The following LHX6 variants were observed in gnomAD, a reference collection of about 807,000 sequenced individuals.
LHX6 encodes the protein LIM homeobox 6, also known as LIM/homeobox protein Lhx6.
In LHX6, 15 loss-of-function variants were observed where a neutral mutation model predicts 47.1. The ratio of observed to expected loss-of-function variants is 0.32; its 90% confidence interval spans 0.21 to 0.49. The LOEUF is 0.49. LHX6 is among the 20% of genes least tolerant of loss of function. LHX6 has a pLI of 0.99. For missense variants in LHX6, 404 were observed against 539.6 expected (o/e 0.75, Z 2.49); for synonymous variants, 242 against 233.5 (o/e 1.04, Z -0.33).
Position 122,214,225 on chromosome 9 carries a change from G to T in LHX6, c.783+58C>A. 1.4e-6 allele frequency: 2 copies of T among 1,459,768 alleles called. No homozygotes were observed. The highest frequency in any genetic ancestry group is 1.8e-6 in the Non-Finnish European group (2 of 1,096,426). 90.4% of individuals were successfully genotyped at this position (1,459,768 alleles called of 1,614,324 possible). A position where few individuals can be genotyped will look rare whatever the true frequency, so the allele number is the denominator to read the frequency against. ...AGGGGCGGAGCCAGGAGACATTGTC[G>T]GCCCCGCCCACTTTCGGCCCGGCCC... is the stretch of plus-strand genomic sequence containing the variant. On this transcript the variant is annotated intron_variant, in intron 6 of 9. Coordinates refer to ENST00000394319, the MANE Select transcript of LHX6 (RefSeq NM_014368.5). This position sits in a 1 kb window ranked among gnomAD's most constrained non-coding sequence, Gnocchi z 4.6.
rs545808425 is a variant in LHX6, at chr9:122,205,133, G to T, written c.1159-353C>A. Among the ~76,000 whole-genome samples the T allele has an allele frequency of 3.3e-5, 5 of 152,346 alleles. No individual in the cohort carries two copies. In the East Asian group the frequency reaches 9.6e-4, roughly 29 times the overall value. On this transcript the variant is annotated intron_variant, in intron 9 of 9. Coordinates refer to ENST00000394319, the MANE Select transcript of LHX6 (RefSeq NM_014368.5). ...CCCCGTGAGGGAGTTCCAACGTTCT[G>T]TTTTACAAGGAGGGCACTCAGGCTC...
intron 1 of LHX6, 181 bp from the exon 2 acceptor site, chr9:122,227,661 G>A: frequency 1.5e-6 from 2 of 1,293,584 alleles, no homozygotes; most frequent in Middle Eastern, 2.4e-4. Flanking sequence ...GAAGCAATTT[G>A]AATTTGGATT....
chr9:122,204,720 T>C lies in LHX6; in HGVS notation c.*40A>G. The C allele has an allele frequency of 6.3e-7, 1 of 1,594,726 alleles. No individual in the cohort carries two copies. The highest frequency in any genetic ancestry group is 8.5e-7 in the Non-Finnish European group (1 of 1,170,380). The stretch of plus-strand genomic sequence containing the variant: ...TGGATCTCAGCGGCTGAGGGGCAGC[T>C]GTGGGGCGCCCACGGGCAGATGCGG... On this transcript the variant is annotated 3_prime_UTR_variant, in exon 10 of 10. Transcript: ENST00000394319.
intron 4 of LHX6, among the ~76,000 whole-genome samples, chr9:122,218,942 C>T (rs1282498953): frequency 1.3e-5 from 2 of 152,152 alleles, no homozygotes; most frequent in African/African-American, 4.8e-5. Context: ...GTAAATGTTT[C>T]GTTTCTGGCT....
intron 4 of LHX6, chr9:122,221,495 AGGGGCTT>A: frequency 1.0e-6 from 1 of 985,624 alleles, no homozygotes; most frequent in Non-Finnish European, 1.2e-6. Flanking sequence ...AGAGAAGGCT[AGGGGCTT>A]GCATGAAGTC....
At chr9:122,209,970 G>C (rs1189498813) in intron 8 of LHX6, among the ~76,000 whole-genome samples, 3 of 152,086 alleles carry the variant, frequency 2.0e-5, no homozygotes, top group Admixed American at 6.5e-5. Flanking sequence ...CTGCCTCCCA[G>C]GTTCAGGCCA....
chr9:122,204,828 C>T, intron 9 of LHX6, 48 bp from the exon 10 acceptor site: 4 of 1,349,060 alleles, frequency 3.0e-6, no homozygotes, highest in Non-Finnish European at 3.1e-6. Flanking sequence ...GCCTGCCCCA[C>T]CCTGCTGCCC....
In LHX6 at chr9:122,211,765, CTGGCAGGGACTCTGGAGGTCA is replaced by C. The variant is rs1286074265; in HGVS notation, c.1054+1820_1054+1840del. 3.9e-5 allele frequency among the ~76,000 whole-genome samples: 6 copies of C among 152,300 alleles called. No homozygotes were observed. In the South Asian group the frequency reaches 8.3e-4, roughly 21 times the overall value. ...GTCAACAGAGTGTATGGACAGAGTC[CTGGCAGGGACTCTGGAGGTCA>C]TGGCCCCAAGTCCAAAGGGATCATC... is the stretch of plus-strand genomic sequence containing the variant. On this transcript the variant is annotated intron_variant, in intron 8 of 9. Coordinates refer to ENST00000394319, the MANE Select transcript of LHX6 (RefSeq NM_014368.5).
intron 1 of LHX6, 166 bp downstream of exon 1, chr9:122,228,491 C>CA: frequency 2.2e-6 from 3 of 1,333,770 alleles, no homozygotes; most frequent in South Asian, 3.2e-5. Flanking sequence ...CCGCGACCCC[C>CA]CCCCCCCGCT....
intron 5 of LHX6, 113 bp downstream of exon 5, chr9:122,216,955 T>C: frequency 2.3e-6 from 2 of 871,936 alleles, no homozygotes; most frequent in South Asian, 3.3e-5. Context: ...CCTGCGGGAC[T>C]ATACCGGGAG....
chr9:122,209,744 T>C (rs1186129954), intron 8 of LHX6, 27 bp from the exon 9 acceptor site: 4 of 782,878 alleles, frequency 5.1e-6, no homozygotes, highest in South Asian at 1.4e-5. Context: ...GCCTTGGAGC[T>C]CATCCCCCAG....
chr9:122,227,625 C>T (rs988001247), intron 1 of LHX6, 145 bp from the exon 2 acceptor site: 7 of 1,352,596 alleles, frequency 5.2e-6, no homozygotes, highest in East Asian at 6.2e-5. Context: ...TAAAGCCCTT[C>T]CCCACAAAAG....
At chr9:122,205,813 T>C (rs1009752405) in intron 9 of LHX6, among the ~76,000 whole-genome samples, 3 of 152,116 alleles carry the variant, frequency 2.0e-5, no homozygotes, top group Non-Finnish European at 2.9e-5. Flanking sequence ...GGAACTATTA[T>C]TATCCCCAGT....
chr9:122,226,355 G>A lies in LHX6; in HGVS notation c.461+21C>T, dbSNP rs758169899. 6.2e-7 allele frequency: 1 copy of A among 1,604,464 alleles called. No homozygotes were observed. Among genetic ancestry groups the A allele is most frequent in the Non-Finnish European group, 8.5e-7 (1 of 1,174,604 alleles). On this transcript the variant is annotated intron_variant, in intron 4 of 9. Coordinates refer to ENST00000394319, the MANE Select transcript of LHX6 (RefSeq NM_014368.5). The surrounding 1 kb of genome is among the most constrained non-coding windows in gnomAD (Gnocchi z 6.5). ...GGGGCCTGCCCTCGGCGACACTGCT[G>A]GCTCGGCGGCCGCAGCCTACCTGAA...
chr9:122,211,928 T>G (rs1324434690), intron 8 of LHX6, among the ~76,000 whole-genome samples: 1 of 152,188 alleles, frequency 6.6e-6, no homozygotes, highest in African/African-American at 2.4e-5. Flanking sequence ...ATATAGTTAT[T>G]GTTTAGAAAA....
chr9:122,208,312 C>A (rs1157515576), intron 9 of LHX6, among the ~76,000 whole-genome samples: 1 of 152,134 alleles, frequency 6.6e-6, no homozygotes, highest in Non-Finnish European at 1.5e-5. Context: ...TCTGGGAAGT[C>A]TTCCCTGCCT....
chr9:122,213,906 G>T lies in LHX6; in HGVS notation c.879+68C>A. ...TGGCCACGTGCACGCACCACCCTCC[G>T]CGCCGAGCCCAGCTACGAGCTCCGG... On this transcript the variant is annotated intron_variant, in intron 7 of 9. Transcript: ENST00000394319. This position sits in a 1 kb window ranked among gnomAD's most constrained non-coding sequence, Gnocchi z 5.5. 1 of 1,534,940 alleles carries T rather than the reference G, an allele frequency of 6.5e-7. No individual in the cohort carries two copies. The highest frequency in any genetic ancestry group is 8.8e-7 in the Non-Finnish European group (1 of 1,131,402).
Position 122,214,465 on chromosome 9 carries a change from G to C in LHX6, c.683-82C>G. ...GAAAGGACGGGGGTGGGGGGAGCTT[G>C]TCCCTGGAAGGGTCAGGAGCGGGAG... On this transcript the variant is annotated intron_variant, in intron 5 of 9. Coordinates refer to ENST00000394319, the MANE Select transcript of LHX6 (RefSeq NM_014368.5). This position sits in a 1 kb window ranked among gnomAD's most constrained non-coding sequence, Gnocchi z 4.6. 1 of 1,423,348 alleles carries C rather than the reference G, an allele frequency of 7.0e-7. No individual in the cohort carries two copies. 88.2% of individuals were successfully genotyped at this position (1,423,348 alleles called of 1,614,324 possible).
chr9:122,215,304 C>G lies in LHX6; in HGVS notation c.683-921G>C, dbSNP rs550075694. 1.4e-3 allele frequency among the ~76,000 whole-genome samples: 213 copies of G among 152,316 alleles called. 1 individual carries two copies. Among genetic ancestry groups the G allele is most frequent in the African/African-American group, 4.6e-3 (192 of 41,568 alleles). ...ACACATTAAAATATGAAGAAGGCAG[C>G]ATTTGGAGCAATCGTTATTTTCTTC... On this transcript the variant is annotated intron_variant, in intron 5 of 9. Transcript: ENST00000394319.
Sources: gnomAD v4.1 joint callset for allele counts (sites outside exome capture counted in the v4.1 genomes callset) on GRCh38, gnomAD v4.1.1 for gene constraint, Gnocchi (gnomAD v3.1) non-coding constraint, MANE v1.5 for transcripts, NCBI Gene and HGNC (gene_info 2026-07-23, HGNC 2026-07-21) for gene names.